PKNOX2: variants seen among roughly 807,000 people sequenced by gnomAD.
PKNOX2 encodes homeobox protein PKNOX2.
PKNOX2 carries 14 observed loss-of-function variants against 53.1 expected under a neutral mutation model. The ratio of observed to expected loss-of-function variants is 0.26; its 90% CI spans 0.17 to 0.41. The LOEUF (loss-of-function observed/expected upper bound fraction) is 0.41, where lower values mean the gene tolerates loss of function less well. PKNOX2 is among the 10% of genes least tolerant of loss of function. PKNOX2 has a pLI of 1.00. For synonymous variants in PKNOX2, 257 were observed against 242.8 expected (o/e 1.06, Z -0.54); for missense variants, 496 against 602.8 (o/e 0.82, Z 1.85).
chr11:125,318,256 G>A (rs563784867), intron 2 of PKNOX2, among the ~76,000 whole-genome samples: 137 of 150,794 alleles, frequency 9.1e-4, no homozygotes, highest in African/African-American at 2.4e-3. Flanking sequence ...ACAGGCACCC[G>A]CCATCATGCC....
chr11:125,186,210 G>T (rs891353653), intron 1 of PKNOX2, among the ~76,000 whole-genome samples: 1 of 152,074 alleles, frequency 6.6e-6, no homozygotes, highest in Admixed American at 6.5e-5. Context: ...ACAGCTAGTC[G>T]AATTCTATGC....
chr11:125,402,907 C>A lies in PKNOX2; in HGVS notation c.588+4845C>A, dbSNP rs183804687. Among the ~76,000 whole-genome samples the A allele has an allele frequency of 3.1e-3, 475 of 152,282 alleles. 3 individuals carry two copies. The highest frequency in any genetic ancestry group is 9.4e-3 in the African/African-American group (392 of 41,536). ...AAACCTCAGTACAGAGTGGAGAGGACAACAGGAGGATTTTGCCCATTGTGA... is the reference window on the plus strand; with the variant it reads ...AAACCTCAGTACAGAGTGGAGAGGAAAACAGGAGGATTTTGCCCATTGTGA... On this transcript the variant is annotated intron_variant, in intron 7 of 12. Transcript: ENST00000298282.
intron 1 of PKNOX2, among the ~76,000 whole-genome samples, chr11:125,172,254 C>G (rs1955379556): frequency 6.6e-6 from 1 of 152,190 alleles, no homozygotes; most frequent in African/African-American, 2.4e-5. Context: ...TTGTTTGGGT[C>G]CAGTTTCCCT....
In PKNOX2 at chr11:125,165,008, C is replaced by A. The variant is rs1474434152; in HGVS notation, c.-201+232C>A. On this transcript the variant is annotated intron_variant, in intron 1 of 12. Transcript: ENST00000298282. This position sits in a 1 kb window ranked among gnomAD's most constrained non-coding sequence, Gnocchi z 4.5. ...GAGGGAGGCAGGGAGCAGCGAGGGA[C>A]GGCGGGAGCGTGCAGAGAGAAGCTG... Among the ~76,000 whole-genome samples the A allele has an allele frequency of 6.6e-6, 1 of 151,426 alleles. No homozygotes were observed. The highest frequency in any genetic ancestry group is 1.5e-5 in the Non-Finnish European group (1 of 67,758).
intron 1 of PKNOX2, among the ~76,000 whole-genome samples, chr11:125,204,776 T>A (rs1305627987): frequency 6.6e-6 from 1 of 152,162 alleles, no homozygotes; most frequent in Admixed American, 6.5e-5. Flanking sequence ...CCCGCTGTGA[T>A]CCTCTCTCCC....
At chr11:125,262,779 TC>T (rs1266657299) in intron 2 of PKNOX2, among the ~76,000 whole-genome samples, 1 of 152,090 alleles carries the variant, frequency 6.6e-6, no homozygotes, top group Non-Finnish European at 1.5e-5. Context: ...CTCTCTCTTT[TC>T]TTTCTCTAAC....
chr11:125,190,816 C>T (rs1956833516), intron 1 of PKNOX2, among the ~76,000 whole-genome samples: 1 of 152,234 alleles, frequency 6.6e-6, no homozygotes, highest in South Asian at 2.1e-4. Context: ...CACCCCTCAG[C>T]ACTCTCTCCT....
At chr11:125,266,793 G>C (rs960740128) in intron 2 of PKNOX2, 2 of 152,204 alleles carry the variant, frequency 1.3e-5, no homozygotes, top group African/African-American at 4.8e-5. Context: ...AGGTCAGGAC[G>C]GGACTCACGG....
intron 2 of PKNOX2, among the ~76,000 whole-genome samples, chr11:125,252,336 G>A (rs868637025): frequency 1.5e-4 from 23 of 152,194 alleles, no homozygotes; most frequent in Admixed American, 1.2e-3. Context: ...CTCGAAGGAC[G>A]TGGAAGAGTT....
At chr11:125,222,759 ATGTGTGTATGTG>A (rs892396989) in intron 1 of PKNOX2, among the ~76,000 whole-genome samples, 2 of 128,280 alleles carry the variant, frequency 1.6e-5, no homozygotes, top group Non-Finnish European at 3.3e-5. Flanking sequence ...GTGCCTGTGT[ATGTGTGTATGTG>A]TGTGTGTATG....
At chr11:125,164,908 T>G (rs915997284) in intron 1 of PKNOX2, 132 bp downstream of exon 1, 6 of 154,856 alleles carry the variant, frequency 3.9e-5, no homozygotes, top group African/African-American at 1.5e-4. Context: ...AGAGTATTAT[T>G]CATTGCGACA....
intron 1 of PKNOX2, among the ~76,000 whole-genome samples, chr11:125,215,092 G>A (rs1198713233): frequency 2.6e-5 from 4 of 152,040 alleles, no homozygotes; most frequent in African/African-American, 9.7e-5. Context: ...CTCTTGTTTT[G>A]GCAGCGTTGC....
At chr11:125,408,842 C>T (rs1040809761) in intron 7 of PKNOX2, among the ~76,000 whole-genome samples, 1 of 152,166 alleles carries the variant, frequency 6.6e-6, no homozygotes, top group Non-Finnish European at 1.5e-5. Flanking sequence ...GGCTCAAAAC[C>T]CTAGACTTGC....
chr11:125,357,349 G>A (rs1951675393), intron 4 of PKNOX2, among the ~76,000 whole-genome samples: 1 of 152,162 alleles, frequency 6.6e-6, no homozygotes, highest in African/African-American at 2.4e-5. Context: ...TTATGCCCAT[G>A]TAGGAGATGG....
At chr11:125,342,195 TA>T (rs1368379652) in intron 3 of PKNOX2, among the ~76,000 whole-genome samples, 2 of 152,046 alleles carry the variant, frequency 1.3e-5, no homozygotes, top group African/African-American at 4.8e-5. Context: ...AGGCAAGTTT[TA>T]AAATTTGGAA....
chr11:125,315,303 GA>G (rs534448203), intron 2 of PKNOX2, among the ~76,000 whole-genome samples: 5,566 of 79,372 alleles, frequency 0.07, 153 homozygotes, highest in East Asian at 0.25. Context: ...TGTGAAGCAG[GA>G]AAAAAAAAAA....
At chr11:125,180,645 C>T (rs1387754462) in intron 1 of PKNOX2, among the ~76,000 whole-genome samples, 4 of 128,112 alleles carry the variant, frequency 3.1e-5, no homozygotes, top group African/African-American at 8.4e-5. Flanking sequence ...GGACTCTTCA[C>T]GAAGCTTTGG....
At chr11:125,330,960 G>C (rs940457533) in intron 2 of PKNOX2, among the ~76,000 whole-genome samples, 3 of 152,190 alleles carry the variant, frequency 2.0e-5, no homozygotes, top group Admixed American at 2.0e-4. Context: ...CCTGGCCAGC[G>C]GTTCTCCCGA....
At chr11:125,296,594 C>T (rs959287072) in intron 2 of PKNOX2, among the ~76,000 whole-genome samples, 51 of 152,126 alleles carry the variant, frequency 3.4e-4, no homozygotes, top group Non-Finnish European at 1.0e-4. Flanking sequence ...TTTCTCCATG[C>T]GTCTCATCTC....
Sources: gnomAD v4.1 joint callset for allele counts (sites outside exome capture counted in the v4.1 genomes callset) on GRCh38, gnomAD v4.1.1 for gene constraint, Gnocchi (gnomAD v3.1) non-coding constraint, MANE v1.5 for transcripts, NCBI Gene and HGNC (gene_info 2026-07-23, HGNC 2026-07-21) for gene names.